Variants in NR2F1-AS1 observed in about 807,000 individuals in gnomAD.
NR2F1-AS1 encodes the protein NR2F1 regulatory antisense RNA 1.
intron 4 of NR2F1-AS1, among the ~76,000 whole-genome samples, chr5:93,509,967 AT>A (rs1372412184): frequency 3.9e-5 from 6 of 152,160 alleles, no homozygotes; most frequent in South Asian, 4.1e-4. Context: ...AGCAAAAAAA[AT>A]GATACAATAT....
chr5:93,415,641 T>C (rs1169020351), intron 4 of NR2F1-AS1, among the ~76,000 whole-genome samples: 1 of 152,238 alleles, frequency 6.6e-6, no homozygotes, highest in East Asian at 1.9e-4. Flanking sequence ...CTTTTTTAAA[T>C]GATCCACTTG....
rs1752982668 is a variant in NR2F1-AS1 at position 93,579,963 on chromosome 5, G to A, written n.313+504C>T. On this transcript the variant is annotated intron_variant and non_coding_transcript_variant, in intron 1 of 5. Coordinates refer to ENST00000660523, the Ensembl canonical transcript of NR2F1-AS1. This position sits in a 1 kb window ranked among gnomAD's most constrained non-coding sequence, Gnocchi z 5.1. ...ACATTAGGGGATGGCGTTACAAACG[G>A]CGTCCGCAGGTGGGCGGCTGCAGCC... Among the ~76,000 whole-genome samples, 1 of 152,232 alleles carries A rather than the reference G, an allele frequency of 6.6e-6. No homozygotes were observed. Among genetic ancestry groups the A allele is most frequent in the Non-Finnish European group, 1.5e-5 (1 of 68,042 alleles).
intron 4 of NR2F1-AS1, among the ~76,000 whole-genome samples, chr5:93,414,310 T>G (rs1748922063): frequency 1.3e-5 from 2 of 152,228 alleles, no homozygotes; most frequent in African/African-American, 2.4e-5. Flanking sequence ...CATCTTTTTA[T>G]TGATAGAATC....
chr5:93,545,097 G>A (rs1168047970), intron 4 of NR2F1-AS1, among the ~76,000 whole-genome samples: 4 of 152,112 alleles, frequency 2.6e-5, no homozygotes, highest in African/African-American at 2.4e-5. Context: ...AGCAGTGTGA[G>A]GACAGTTTAG....
At chr5:93,570,856 G>A (rs1173851879) in intron 1 of NR2F1-AS1, 2 of 152,244 alleles carry the variant, frequency 1.3e-5, no homozygotes, top group East Asian at 3.9e-4. Flanking sequence ...TAGCTTCCGG[G>A]ATCCGCTCCC....
Position 93,529,366 on chromosome 5 carries a change from T to C in NR2F1-AS1, n.638+24395A>G, listed in dbSNP as rs4321735. Among the ~76,000 whole-genome samples the C allele has an allele frequency of 7.9e-3, 1,208 of 152,294 alleles. 14 individuals carry two copies. The highest frequency in any genetic ancestry group is 0.028 in the African/African-American group (1,169 of 41,566). On this transcript the variant is annotated intron_variant and non_coding_transcript_variant, in intron 4 of 5. Transcript: ENST00000660523. ...TAAAGAAGTCAAGAAGTTTCAAATA[T>C]AGTAGTAACCACCACTGTCTTAGTA...
At chr5:93,427,920 G>GAA (rs1372614511) in intron 4 of NR2F1-AS1, among the ~76,000 whole-genome samples, 1 of 150,572 alleles carries the variant, frequency 6.6e-6, no homozygotes, top group South Asian at 2.1e-4. Flanking sequence ...GAGAGAGAAA[G>GAA]AGAGAGAGAG....
At chr5:93,509,681 T>A (rs1212666378) in intron 4 of NR2F1-AS1, among the ~76,000 whole-genome samples, 2 of 152,038 alleles carry the variant, frequency 1.3e-5, no homozygotes, top group Non-Finnish European at 2.9e-5. Flanking sequence ...GTCAAAATAC[T>A]TAACATTGTT....
chr5:93,424,973 C>T (rs1258272548), intron 4 of NR2F1-AS1, among the ~76,000 whole-genome samples: 1 of 152,168 alleles, frequency 6.6e-6, no homozygotes, highest in African/African-American at 2.4e-5. Flanking sequence ...TCTTAAACTC[C>T]TTAACATTCT....
chr5:93,514,633 T>G (rs1030434264), intron 4 of NR2F1-AS1, among the ~76,000 whole-genome samples: 1 of 152,086 alleles, frequency 6.6e-6, no homozygotes, highest in African/African-American at 2.4e-5. Context: ...TTATTTCACT[T>G]AAGAAAAGCA....
chr5:93,469,287 T>C (rs1264726115), intron 4 of NR2F1-AS1, among the ~76,000 whole-genome samples: 1 of 152,076 alleles, frequency 6.6e-6, no homozygotes, highest in African/African-American at 2.4e-5. Flanking sequence ...CCATAGAACA[T>C]GTAACTGTAC....
At chr5:93,432,759 T>C (rs1032303655) in intron 4 of NR2F1-AS1, among the ~76,000 whole-genome samples, 1 of 152,214 alleles carries the variant, frequency 6.6e-6, no homozygotes, top group Non-Finnish European at 1.5e-5. Flanking sequence ...TTTGTCAGCA[T>C]GTTTTCCTCC....
At chr5:93,500,972 A>G (rs1751066877) in intron 4 of NR2F1-AS1, among the ~76,000 whole-genome samples, 1 of 152,184 alleles carries the variant, frequency 6.6e-6, no homozygotes. Context: ...ATAGATAGCG[A>G]TTCCTCTGAT....
intron 1 of NR2F1-AS1, among the ~76,000 whole-genome samples, chr5:93,566,254 G>C (rs536083043): frequency 6.6e-6 from 1 of 151,912 alleles, no homozygotes; most frequent in African/African-American, 2.4e-5. Context: ...ATATATAATG[G>C]AAACAGATGT....
chr5:93,565,554 A>G (rs1414758387), intron 1 of NR2F1-AS1, among the ~76,000 whole-genome samples: 15 of 152,110 alleles, frequency 9.9e-5, no homozygotes, highest in Non-Finnish European at 1.5e-5. Context: ...GAAGGCTTCA[A>G]TTGTACTGTT....
chr5:93,440,427 G>A (rs950808970), intron 4 of NR2F1-AS1, among the ~76,000 whole-genome samples: 4 of 152,156 alleles, frequency 2.6e-5, no homozygotes, highest in African/African-American at 9.7e-5. Flanking sequence ...GGCCTGAATA[G>A]AATTAAAGAC....
At chr5:93,495,767 T>C (rs1309600421) in intron 4 of NR2F1-AS1, among the ~76,000 whole-genome samples, 3 of 152,140 alleles carry the variant, frequency 2.0e-5, no homozygotes, top group Non-Finnish European at 2.9e-5. Context: ...GTATATCATA[T>C]ACACAAATAT....
At chr5:93,465,877 G>A (rs1267054978) in intron 4 of NR2F1-AS1, among the ~76,000 whole-genome samples, 1 of 134,980 alleles carries the variant, frequency 7.4e-6, no homozygotes, top group Admixed American at 8.8e-5. Flanking sequence ...TGAACATTGA[G>A]AACACTTGGA....
rs1752955828 is a variant in NR2F1-AS1 at position 93,578,864 on chromosome 5, TATC to T, written n.313+1600_313+1602del. On this transcript the variant is annotated intron_variant and non_coding_transcript_variant, in intron 1 of 5. Coordinates refer to ENST00000660523, the Ensembl canonical transcript of NR2F1-AS1. ...AGGTACCCTACCCCACAACAACAGA[TATC>T]ATTATTTCCTGGTTGAGTGTGGGTC... Among the ~76,000 whole-genome samples, 4 of 152,314 alleles carry T rather than the reference TATC, an allele frequency of 2.6e-5. No individual in the cohort carries two copies. The South Asian group carries it at 8.3e-4, about 32-fold the overall frequency.
Sources: gnomAD v4.1 joint callset for allele counts (sites outside exome capture counted in the v4.1 genomes callset) on GRCh38, gnomAD v4.1.1 for gene constraint, Gnocchi (gnomAD v3.1) non-coding constraint, MANE v1.5 for transcripts, NCBI Gene and HGNC (gene_info 2026-07-23, HGNC 2026-07-21) for gene names.